CSMD1: variants seen among roughly 807,000 people sequenced by gnomAD.
CSMD1 encodes CUB and Sushi multiple domains 1.
In CSMD1, 213 loss-of-function variants were observed where a neutral mutation model predicts 417.5. The ratio of observed to expected loss-of-function variants is 0.51; its 90% CI spans 0.46 to 0.57. The LOEUF (loss-of-function observed/expected upper bound fraction) is 0.57. CSMD1 is among the 20% of genes least tolerant of loss of function. The pLI is 0.00. For synonymous variants in CSMD1, 2,862 were observed against 1,736.8 expected (o/e 1.65, Z -16.11); for missense variants, 6,923 against 4,529.7 (o/e 1.53, Z -15.17).
intron 26 of CSMD1, among the ~76,000 whole-genome samples, chr8:3,241,944 A>G (rs2116976645): frequency 6.9e-6 from 1 of 145,414 alleles, no homozygotes; most frequent in East Asian, 2.0e-4. Context: ...AGATTGGGTA[A>G]TAAAATGTAT....
chr8:4,750,609 G>C (rs1202167189), intron 1 of CSMD1, among the ~76,000 whole-genome samples: 4 of 152,076 alleles, frequency 2.6e-5, no homozygotes, highest in Admixed American at 6.5e-5. Context: ...ATCCAGCAAT[G>C]AGACTAAGAG....
intron 5 of CSMD1, among the ~76,000 whole-genome samples, chr8:3,971,969 T>G (rs1353772343): frequency 6.6e-6 from 1 of 152,052 alleles, no homozygotes; most frequent in African/African-American, 2.4e-5. Context: ...GTGCAGTGGG[T>G]GATCCTGGCT....
chr8:3,211,670 G>C (rs561966300), intron 30 of CSMD1, among the ~76,000 whole-genome samples: 2 of 152,328 alleles, frequency 1.3e-5, no homozygotes, highest in East Asian at 3.9e-4. Context: ...ACACAGACGG[G>C]AGGAGGTGAG....
intron 30 of CSMD1, among the ~76,000 whole-genome samples, chr8:3,208,878 T>G (rs1323255503): frequency 1.3e-5 from 2 of 152,234 alleles, no homozygotes; most frequent in African/African-American, 4.8e-5. Context: ...GGACTCGGAA[T>G]GGCTCTTCTT....
chr8:3,329,763 T>C (rs1351508369), intron 23 of CSMD1, among the ~76,000 whole-genome samples: 1 of 152,170 alleles, frequency 6.6e-6, no homozygotes, highest in Non-Finnish European at 1.5e-5. Flanking sequence ...CATCAGTCTG[T>C]GCAGGGTGAT....
intron 39 of CSMD1, among the ~76,000 whole-genome samples, chr8:3,151,737 C>G (rs1429470970): frequency 6.6e-6 from 1 of 152,156 alleles, no homozygotes; most frequent in Non-Finnish European, 1.5e-5. Context: ...TTTTCAAGAT[C>G]CATCTTCTCC....
chr8:3,439,300 TATATATA>T (rs1327806377), intron 12 of CSMD1, among the ~76,000 whole-genome samples: 14 of 57,610 alleles, frequency 2.4e-4, no homozygotes, highest in Non-Finnish European at 2.8e-4. Flanking sequence ...TATATATATA[TATATATA>T]TATTTTTTTT....
chr8:4,680,973 TGTGA>T (rs1387980950), intron 1 of CSMD1, among the ~76,000 whole-genome samples: 44 of 138,702 alleles, frequency 3.2e-4, no homozygotes, highest in Non-Finnish European at 4.7e-4. Flanking sequence ...TGTGTGTGTG[TGTGA>T]GAGAGAGAGA....
intron 5 of CSMD1, among the ~76,000 whole-genome samples, chr8:3,822,205 G>C (rs922525160): frequency 6.6e-6 from 1 of 152,030 alleles, no homozygotes; most frequent in African/African-American, 2.4e-5. Context: ...TTCATTCCTT[G>C]ACTAGACACT....
intron 21 of CSMD1, among the ~76,000 whole-genome samples, chr8:3,356,948 T>C (rs1046252883): frequency 2.6e-5 from 4 of 151,644 alleles, no homozygotes; most frequent in African/African-American, 7.3e-5. Context: ...GTTTTCACTT[T>C]GGAGAGAGCA....
At chr8:3,906,208 A>C (rs553008074) in intron 5 of CSMD1, among the ~76,000 whole-genome samples, 1 of 152,210 alleles carries the variant, frequency 6.6e-6, no homozygotes, top group South Asian at 2.1e-4. Context: ...CAAGTGCTTC[A>C]TTATCTTGAT....
At chr8:4,858,015 G>T (rs1269799907) in intron 1 of CSMD1, among the ~76,000 whole-genome samples, 1 of 152,094 alleles carries the variant, frequency 6.6e-6, no homozygotes, top group Non-Finnish European at 1.5e-5. Context: ...AAAATCCTCA[G>T]TAACATACTG....
chr8:4,344,411 G>C (rs1563076199), intron 3 of CSMD1, among the ~76,000 whole-genome samples: 1 of 151,928 alleles, frequency 6.6e-6, no homozygotes, highest in Non-Finnish European at 1.5e-5. Context: ...ATCTTCTGTT[G>C]AGCAAAGGCA....
At chr8:4,113,974 G>T (rs1192730575) in intron 3 of CSMD1, among the ~76,000 whole-genome samples, 1 of 152,172 alleles carries the variant, frequency 6.6e-6, no homozygotes, top group African/African-American at 2.4e-5. Context: ...AAAGTTCCAG[G>T]TGAAGCAGCA....
At chr8:3,644,177 G>A (rs1216323940) in intron 7 of CSMD1, among the ~76,000 whole-genome samples, 1 of 152,324 alleles carries the variant, frequency 6.6e-6, no homozygotes, top group East Asian at 1.9e-4. Flanking sequence ...TAGACTTACT[G>A]AATCAGAAAC....
At position 4,220,013 on chromosome 8, in the gene CSMD1, G is replaced by C. The variant is rs577705575; in HGVS notation, c.416-187914C>G. Among the ~76,000 whole-genome samples the C allele has an allele frequency of 4.3e-4, 65 of 152,164 alleles. 1 individual carries two copies. Among genetic ancestry groups the C allele is most frequent in the South Asian group, 4.1e-4 (2 of 4,820 alleles). ...CACCCAGGCTGGAGTGCAGTGGTGC[G>C]ATCTAGGCTGACTACAACCTCTGCC... On this transcript the variant is annotated intron_variant, in intron 3 of 69. Coordinates refer to ENST00000635120, the MANE Select transcript of CSMD1 (RefSeq NM_033225.6).
At chr8:3,261,564 G>A (rs1183084138) in intron 26 of CSMD1, among the ~76,000 whole-genome samples, 2 of 152,086 alleles carry the variant, frequency 1.3e-5, no homozygotes, top group Admixed American at 6.6e-5. Context: ...CATCACAGCT[G>A]TACTCATAGG....
intron 49 of CSMD1, among the ~76,000 whole-genome samples, chr8:3,067,953 T>C (rs1439781575): frequency 1.3e-5 from 2 of 152,166 alleles, no homozygotes; most frequent in Non-Finnish European, 2.9e-5. Flanking sequence ...CAGACTCTAA[T>C]CCAAATGTCC....
At position 4,638,561 on chromosome 8, in the gene CSMD1, G is replaced by A. The variant is rs544696056; in HGVS notation, c.86-1003C>T. Among the ~76,000 whole-genome samples, 85 of 152,314 alleles carry A rather than the reference G, an allele frequency of 5.6e-4. 2 individuals are homozygous for A. The South Asian group carries it at 9.5e-3, about 17-fold the overall frequency. On this transcript the variant is annotated intron_variant, in intron 1 of 69. Transcript: ENST00000635120. ...CCGTTCACACAGGCAGGACTTAGGA[G>A]GTGGAGCAGAAAGGAAGGTGTACCA... is the stretch of plus-strand genomic sequence containing the variant.
Sources: allele counts gnomAD v4.1 joint callset (sites outside exome capture counted in the v4.1 genomes callset), GRCh38; gene constraint gnomAD v4.1.1; transcripts MANE v1.5; gene names NCBI Gene and HGNC (gene_info 2026-07-23, HGNC 2026-07-21).